CSMD1: variants seen among roughly 807,000 people sequenced by gnomAD.
CSMD1 encodes CUB and Sushi multiple domains 1, also known as CUB and sushi domain-containing protein 1.
A neutral mutation model predicts 417.5 loss-of-function variants in CSMD1; 213 were observed. That is an observed-to-expected ratio of 0.51 (90% confidence interval 0.46 to 0.57). CSMD1 has a LOEUF of 0.57. CSMD1 is among the 20% of genes least tolerant of loss of function. The pLI is 0.00. For synonymous variants in CSMD1, 2,862 were observed against 1,736.8 expected, an observed-to-expected ratio of 1.65 and a Z score of -16.11; for missense variants, 6,923 against 4,529.7, an observed-to-expected ratio of 1.53 and a Z score of -15.17.
intron 5 of CSMD1, among the ~76,000 whole-genome samples, chr8:3,971,268 T>G (rs1046119531): frequency 6.6e-6 from 1 of 152,230 alleles, no homozygotes; most frequent in East Asian, 1.9e-4. Flanking sequence ...ATCTCTGCAC[T>G]GTGATTTCTA....
At chr8:3,678,416 C>G (rs1488819919) in intron 7 of CSMD1, among the ~76,000 whole-genome samples, 1 of 152,028 alleles carries the variant, frequency 6.6e-6, no homozygotes, top group Admixed American at 6.6e-5. Context: ...CCGATTCGAT[C>G]AACTGGAAGA....
At chr8:3,194,379 T>C (rs1796582657) in intron 33 of CSMD1, among the ~76,000 whole-genome samples, 1 of 151,904 alleles carries the variant, frequency 6.6e-6, no homozygotes, top group Non-Finnish European at 1.5e-5. Context: ...TTTTTAGGTC[T>C]GTTTATTTTC....
chr8:3,682,813 T>C (rs7827517), intron 7 of CSMD1, among the ~76,000 whole-genome samples: 146,198 of 152,330 alleles, frequency 0.96, 70,232 homozygotes, highest in East Asian at 1. Flanking sequence ...CAATGACAGA[T>C]GGGATTAAGA....
At chr8:3,957,810 C>A (rs1386117238) in intron 5 of CSMD1, among the ~76,000 whole-genome samples, 2 of 152,076 alleles carry the variant, frequency 1.3e-5, no homozygotes, top group Non-Finnish European at 2.9e-5. Flanking sequence ...TTTCATAAAG[C>A]TCAGAGGAAA....
intron 25 of CSMD1, among the ~76,000 whole-genome samples, chr8:3,301,056 C>G (rs1161316116): frequency 6.7e-6 from 1 of 150,004 alleles, no homozygotes. Flanking sequence ...CCACACCACA[C>G]AATATACATT....
chr8:3,457,082 C>A (rs928833721), intron 12 of CSMD1, among the ~76,000 whole-genome samples: 1 of 151,786 alleles, frequency 6.6e-6, no homozygotes, highest in African/African-American at 2.4e-5. Context: ...TCATTCTGCA[C>A]CTCTCTTCCT....
intron 1 of CSMD1, among the ~76,000 whole-genome samples, chr8:4,777,395 T>C (rs969383386): frequency 1.3e-5 from 2 of 152,184 alleles, no homozygotes; most frequent in Admixed American, 1.3e-4. Context: ...GAGAGAGAGA[T>C]GTCTCAGGGG....
chr8:4,490,693 C>G (rs573643722), intron 2 of CSMD1, among the ~76,000 whole-genome samples: 49 of 152,278 alleles, frequency 3.2e-4, no homozygotes, highest in South Asian at 6.2e-4. Context: ...AAATAAGAGA[C>G]TCTTAACTTC....
chr8:3,932,457 G>A (rs554452902), intron 5 of CSMD1, among the ~76,000 whole-genome samples: 4 of 150,336 alleles, frequency 2.7e-5, no homozygotes, highest in South Asian at 4.3e-4. Context: ...CCTCAGCACG[G>A]TAATAAGACC....
chr8:3,928,535 C>G (rs971839540), intron 5 of CSMD1, among the ~76,000 whole-genome samples: 1 of 135,728 alleles, frequency 7.4e-6, no homozygotes, highest in African/African-American at 2.8e-5. Context: ...GTTTCACGGC[C>G]GTTTGTAGGC....
intron 1 of CSMD1, among the ~76,000 whole-genome samples, chr8:4,950,118 A>G (rs1032607374): frequency 2.6e-5 from 4 of 152,124 alleles, no homozygotes; most frequent in Non-Finnish European, 5.9e-5. Context: ...GTTTCATATG[A>G]TAAGATTTTA....
At chr8:3,866,434 T>C (rs763381992) in intron 5 of CSMD1, among the ~76,000 whole-genome samples, 5 of 152,224 alleles carry the variant, frequency 3.3e-5, no homozygotes, top group African/African-American at 4.8e-5. Flanking sequence ...CCAATTTGAT[T>C]ACCTGATATG....
At chr8:3,390,515 C>G (rs1258608904) in intron 17 of CSMD1, among the ~76,000 whole-genome samples, 3 of 152,156 alleles carry the variant, frequency 2.0e-5, no homozygotes, top group East Asian at 3.9e-4. Context: ...CCCATTCTGT[C>G]TCCTGCCTGA....
intron 5 of CSMD1, among the ~76,000 whole-genome samples, chr8:3,796,549 T>C (rs1800160228): frequency 6.9e-6 from 1 of 145,590 alleles, no homozygotes; most frequent in South Asian, 2.1e-4. Flanking sequence ...TCTATATCCA[T>C]ACATGATAGA....
chr8:3,267,666 C>T (rs1327856897), intron 26 of CSMD1, among the ~76,000 whole-genome samples: 1 of 152,182 alleles, frequency 6.6e-6, no homozygotes, highest in Non-Finnish European at 1.5e-5. Context: ...AGTGAGGAAG[C>T]AGGGATGGAA....
chr8:4,746,094 G>A (rs949117226), intron 1 of CSMD1, among the ~76,000 whole-genome samples: 1 of 152,202 alleles, frequency 6.6e-6, no homozygotes, highest in Non-Finnish European at 1.5e-5. Flanking sequence ...GAAACCCCGT[G>A]ACTTCACTTG....
intron 1 of CSMD1, among the ~76,000 whole-genome samples, chr8:4,755,668 T>C (rs768100277): frequency 2.0e-5 from 3 of 152,216 alleles, no homozygotes; most frequent in Non-Finnish European, 4.4e-5. Context: ...ATGGCATTAT[T>C]AGTTTTCAAT....
intron 23 of CSMD1, among the ~76,000 whole-genome samples, chr8:3,315,262 TAGGA>T (rs972916792): frequency 2.0e-5 from 3 of 152,196 alleles, no homozygotes; most frequent in African/African-American, 7.2e-5. Context: ...TTCATCTGAA[TAGGA>T]AGGGAGTTTC....
intron 2 of CSMD1, among the ~76,000 whole-genome samples, chr8:4,600,136 C>T (rs1051607175): frequency 6.6e-6 from 1 of 152,126 alleles, no homozygotes; most frequent in African/African-American, 2.4e-5. Flanking sequence ...GCACTTATTG[C>T]CTAGCTGGGG....
Sources: allele counts gnomAD v4.1 joint callset (sites outside exome capture counted in the v4.1 genomes callset), GRCh38; gene constraint gnomAD v4.1.1; transcripts MANE v1.5; gene names NCBI Gene and HGNC (gene_info 2026-07-23, HGNC 2026-07-21).